ZNF385D: variants seen among roughly 807,000 people sequenced by gnomAD.
ZNF385D encodes zinc finger protein 385D, also known as zinc finger protein 659.
Under a neutral mutation model 35.8 loss-of-function variants are expected in ZNF385D, and 15 were observed. That is an observed-to-expected ratio of 0.42 (90% CI 0.28 to 0.64). ZNF385D has a LOEUF of 0.64. ZNF385D is among the 30% of genes least tolerant of loss of function. ZNF385D has a pLI of 0.23. For missense variants in ZNF385D, 474 were observed against 494.6 expected (o/e 0.96, Z 0.39); for synonymous variants, 212 against 186.8 (o/e 1.13, Z -1.10).
chr3:21,666,193 A>G (rs1317456664), intron 1 of ZNF385D, among the ~76,000 whole-genome samples: 1 of 152,186 alleles, frequency 6.6e-6, no homozygotes, highest in Admixed American at 6.5e-5. Context: ...CTTGCCCTCA[A>G]TCAGTTACCA....
intron 3 of ZNF385D, among the ~76,000 whole-genome samples, chr3:21,829,351 T>A (rs1276032013): frequency 6.6e-6 from 1 of 152,060 alleles, no homozygotes; most frequent in Non-Finnish European, 1.5e-5. Flanking sequence ...CAAAGAGCTT[T>A]CTCAGGGAAG....
intron 4 of ZNF385D, among the ~76,000 whole-genome samples, chr3:21,504,610 TC>T (rs1417967397): frequency 1.3e-5 from 2 of 152,092 alleles, no homozygotes; most frequent in Non-Finnish European, 1.5e-5. Context: ...GCAGAAAACT[TC>T]CCTTTAGCAA....
At chr3:21,785,107 G>T (rs1318077826) in intron 3 of ZNF385D, among the ~76,000 whole-genome samples, 2 of 152,086 alleles carry the variant, frequency 1.3e-5, no homozygotes, top group Non-Finnish European at 2.9e-5. Flanking sequence ...GACCGGGGAG[G>T]TTGGACTTGT....
chr3:22,083,361 G>C (rs1366520351), intron 3 of ZNF385D, among the ~76,000 whole-genome samples: 6 of 152,182 alleles, frequency 3.9e-5, no homozygotes, highest in Non-Finnish European at 1.5e-5. Context: ...TGGCTAGCTA[G>C]AATAAACAGC....
intron 3 of ZNF385D, among the ~76,000 whole-genome samples, chr3:22,037,602 A>G (rs1698415113): frequency 1.3e-5 from 2 of 151,966 alleles, no homozygotes; most frequent in Admixed American, 6.6e-5. Flanking sequence ...TAGATTCTGG[A>G]TATTAGCCCT....
At chr3:21,551,182 C>T (rs2062556150) in intron 3 of ZNF385D, among the ~76,000 whole-genome samples, 1 of 152,196 alleles carries the variant, frequency 6.6e-6, no homozygotes, top group South Asian at 2.1e-4. Context: ...GGTCTTCTCT[C>T]TAGGACAGGC....
At chr3:22,229,914 A>G (rs1205998410) in intron 2 of ZNF385D, among the ~76,000 whole-genome samples, 2 of 152,108 alleles carry the variant, frequency 1.3e-5, no homozygotes, top group Admixed American at 6.5e-5. Flanking sequence ...GAGGCTCAAC[A>G]TTGTACTGCC....
At chr3:22,339,733 T>C (rs1368626462) in intron 2 of ZNF385D, among the ~76,000 whole-genome samples, 2 of 152,202 alleles carry the variant, frequency 1.3e-5, no homozygotes, top group Non-Finnish European at 1.5e-5. Context: ...TAGAAATCAG[T>C]ACACTGGTTT....
chr3:21,981,140 T>C (rs1014674097), intron 3 of ZNF385D, among the ~76,000 whole-genome samples: 1 of 152,100 alleles, frequency 6.6e-6, no homozygotes, highest in African/African-American at 2.4e-5. Flanking sequence ...GAGGAATCAC[T>C]ATGCTGCTTT....
At chr3:21,660,033 A>G (rs1053189389) in intron 2 of ZNF385D, among the ~76,000 whole-genome samples, 1 of 152,098 alleles carries the variant, frequency 6.6e-6, no homozygotes, top group Admixed American at 6.6e-5. Context: ...CCAACCTCAC[A>G]GTACACTCAA....
chr3:21,432,138 T>A (rs1037142663), intron 5 of ZNF385D, among the ~76,000 whole-genome samples: 9 of 152,168 alleles, frequency 5.9e-5, no homozygotes, highest in Non-Finnish European at 1.0e-4. Context: ...AGCTTAGGTT[T>A]CTTTGTGCTT....
intron 3 of ZNF385D, among the ~76,000 whole-genome samples, chr3:21,915,948 T>G (rs989412640): frequency 6.6e-5 from 10 of 152,194 alleles, no homozygotes; most frequent in Admixed American, 5.2e-4. Flanking sequence ...CAGTGGCAAC[T>G]AAAAAGCTAA....
intron 1 of ZNF385D, 106 bp downstream of exon 1, chr3:21,750,789 G>A (rs2070036995): frequency 6.9e-7 from 1 of 1,448,896 alleles, no homozygotes; most frequent in Non-Finnish European, 9.6e-7. Context: ...CTGGAGGTAG[G>A]TTTAATGTAA....
At chr3:21,821,417 T>C (rs1181195260) in intron 3 of ZNF385D, among the ~76,000 whole-genome samples, 1 of 152,156 alleles carries the variant, frequency 6.6e-6, no homozygotes. Flanking sequence ...CTAATAAAAG[T>C]TTAAGAGAAT....
chr3:22,299,413 C>CG (rs1702775749), intron 2 of ZNF385D, among the ~76,000 whole-genome samples: 1 of 151,322 alleles, frequency 6.6e-6, no homozygotes, highest in South Asian at 2.1e-4. Context: ...TTATACTACA[C>CG]GGGGGGAATG....
intron 3 of ZNF385D, among the ~76,000 whole-genome samples, chr3:21,974,891 G>A (rs1485709616): frequency 1.3e-5 from 2 of 152,056 alleles, no homozygotes; most frequent in African/African-American, 4.8e-5. Context: ...CCAGTTAAAA[G>A]GGTTTTGTCC....
intron 2 of ZNF385D, among the ~76,000 whole-genome samples, chr3:22,315,320 TC>T (rs544359144): frequency 2.6e-4 from 39 of 152,258 alleles, no homozygotes; most frequent in African/African-American, 9.1e-4. Flanking sequence ...CTTTGGACCT[TC>T]AGGCAGAGAT....
At chr3:21,781,885 G>C (rs1002479361) in intron 3 of ZNF385D, among the ~76,000 whole-genome samples, 1 of 152,016 alleles carries the variant, frequency 6.6e-6, no homozygotes, top group Non-Finnish European at 1.5e-5. Context: ...AGGAGTTTTA[G>C]TATTTAAGTG....
chr3:22,252,048 G>C (rs1229712843), intron 2 of ZNF385D, among the ~76,000 whole-genome samples: 4 of 152,032 alleles, frequency 2.6e-5, no homozygotes, highest in African/African-American at 9.7e-5. Flanking sequence ...AATTCAAATC[G>C]ATACATAAGA....
Sources: allele counts gnomAD v4.1 joint callset (sites outside exome capture counted in the v4.1 genomes callset), GRCh38; gene constraint gnomAD v4.1.1; transcripts MANE v1.5; gene names NCBI Gene and HGNC (gene_info 2026-07-23, HGNC 2026-07-21).